The following BPTF variants were observed in gnomAD, a reference collection of about 807,000 sequenced individuals.
BPTF encodes the protein bromodomain PHD finger transcription factor.
BPTF carries 18 observed loss-of-function variants against 292.5 expected under a neutral mutation model. The observed-to-expected ratio is 0.06, with a 90% CI of 0.04 to 0.09. The LOEUF (loss-of-function observed/expected upper bound fraction) is 0.09. BPTF is among the 10% of genes least tolerant of loss of function. The pLI is 1.00. For synonymous variants in BPTF, 1,225 were observed against 1,251.9 expected, an observed-to-expected ratio of 0.98 and a Z score of 0.45; for missense variants, 2,726 against 3,498.7, an observed-to-expected ratio of 0.78 and a Z score of 5.57.
At chr17:67,837,010 A>G (rs1368629765) in intron 1 of BPTF, among the ~76,000 whole-genome samples, 1 of 152,188 alleles carries the variant, frequency 6.6e-6, no homozygotes, top group Non-Finnish European at 1.5e-5. Flanking sequence ...CTTTAATAGC[A>G]TGAGTTGTGA....
chr17:67,856,481 TATTA>T (rs1353554486), intron 2 of BPTF, among the ~76,000 whole-genome samples: 2 of 152,244 alleles, frequency 1.3e-5, no homozygotes, highest in African/African-American at 2.4e-5. Context: ...TTCAGATGTT[TATTA>T]ATTCTTAATT....
intron 18 of BPTF, among the ~76,000 whole-genome samples, chr17:67,933,207 G>A (rs1017830712): frequency 2.0e-5 from 3 of 151,294 alleles, no homozygotes; most frequent in East Asian, 1.9e-4. Flanking sequence ...GCAGTGAGCC[G>A]AGATTGTGCC....
chr17:67,936,326 T>G (rs944721724), intron 18 of BPTF, among the ~76,000 whole-genome samples: 1 of 152,208 alleles, frequency 6.6e-6, no homozygotes, highest in African/African-American at 2.4e-5. Context: ...ATTTAATATC[T>G]ATTATGTGAG....
chr17:67,877,676 T>G (rs2060133185), intron 4 of BPTF, among the ~76,000 whole-genome samples: 1 of 152,116 alleles, frequency 6.6e-6, no homozygotes, highest in Admixed American at 6.5e-5. Context: ...TGGAGTACAG[T>G]GACGTGATCA....
At chr17:67,892,138 A>G in intron 5 of BPTF, 104 bp downstream of exon 5, 1 of 853,740 alleles carries the variant, frequency 1.2e-6, no homozygotes, top group African/African-American at 1.8e-5. Context: ...TTGTAGACCT[A>G]TTTTTGAATT....
At chr17:67,877,981 AG>A (rs2060149837) in intron 4 of BPTF, among the ~76,000 whole-genome samples, 1 of 152,222 alleles carries the variant, frequency 6.6e-6, no homozygotes, top group Non-Finnish European at 1.5e-5. Context: ...ATAAATATTA[AG>A]TGAATAACTT....
chr17:67,845,350 C>G (rs2057954278), intron 1 of BPTF, among the ~76,000 whole-genome samples: 1 of 152,206 alleles, frequency 6.6e-6, no homozygotes, highest in Non-Finnish European at 1.5e-5. Flanking sequence ...CCTCTGATTG[C>G]AAATGGTGAC....
intron 1 of BPTF, among the ~76,000 whole-genome samples, chr17:67,832,695 C>T (rs2056796308): frequency 6.6e-6 from 1 of 151,900 alleles, no homozygotes; most frequent in South Asian, 2.1e-4. Context: ...AAGAAGCCCG[C>T]ACCGTCAGCA....
In BPTF at chr17:67,910,912, C is replaced by T. The variant is rs370122731; in HGVS notation, c.3028C>T (p.Pro1010Ser). The change falls in exon 11 of 28, where the codon CCC becomes TCC. Residue 1010 changes from proline (P) to serine (S), a missense_variant. By Grantham distance (74) the Pro-to-Ser change is moderately conservative. This residue lies in a region of BPTF where 713 missense variants were observed against 714.9 expected (regional missense o/e 1.00). Coordinates refer to ENST00000306378, the MANE Select transcript of BPTF (RefSeq NM_182641.4). Reference protein sequence around the residue: ...KELLDSDSDKPCKEEPMEVDD... With the variant: ...KELLDSDSDKSCKEEPMEVDD... ...GCTCTTAGATTCTGACAGTGATAAACCCTGCAAGGAAGAACCAATGGAAGT... is the reference window on the plus strand; with the variant it reads ...GCTCTTAGATTCTGACAGTGATAAATCCTGCAAGGAAGAACCAATGGAAGT... 6.2e-7 allele frequency: 1 copy of T among 1,611,058 alleles called. No homozygotes were observed. The highest frequency in any genetic ancestry group is 1.3e-5 in the African/African-American group (1 of 74,750).
rs143430992 is a variant in BPTF, at chr17:67,923,624, G to A, written c.5708+634G>A. 4.6e-3 allele frequency among the ~76,000 whole-genome samples: 693 copies of A among 150,136 alleles called. 5 individuals carry two copies. Among genetic ancestry groups the A allele is most frequent in the African/African-American group, 0.016 (650 of 40,906 alleles). On this transcript the variant is annotated intron_variant, in intron 14 of 27. Coordinates refer to ENST00000306378, the MANE Select transcript of BPTF (RefSeq NM_182641.4). ...CCTCCTGAGTAGCTGGGATTACGGGGGTGTGCCACCATGCCCGGCTGATTT... is the reference window on the plus strand; with the variant it reads ...CCTCCTGAGTAGCTGGGATTACGGGAGTGTGCCACCATGCCCGGCTGATTT...
chr17:67,953,638 C>T (rs868920567), intron 23 of BPTF, among the ~76,000 whole-genome samples: 45 of 147,280 alleles, frequency 3.1e-4, no homozygotes, highest in Admixed American at 2.8e-3. Context: ...TGCAATAGCA[C>T]GATCTCGGCT....
At chr17:67,860,992 C>G (rs145584558) in intron 2 of BPTF, among the ~76,000 whole-genome samples, 1 of 152,320 alleles carries the variant, frequency 6.6e-6, no homozygotes, top group African/African-American at 2.4e-5. Flanking sequence ...GCCTGAATTC[C>G]TTCTGTCCAC....
In BPTF at chr17:67,910,810, ATAT is replaced by A. The variant is rs564740753; in HGVS notation, c.2993-66_2993-64del. ...GTGAGACTCCATCTCAAAAAAAAAA[ATAT>A]ATATATATAAATTCCTCCTTTCAGA... On this transcript the variant is annotated intron_variant, in intron 10 of 27. Transcript: ENST00000306378. 8.1e-3 allele frequency: 9,042 copies of A among 1,116,540 alleles called. 19 individuals carry two copies. The highest frequency in any genetic ancestry group is 0.066 in the East Asian group (1,935 of 29,226). 69.2% of individuals were successfully genotyped at this position (1,116,540 alleles called of 1,614,324 possible).
chr17:67,944,992 G>GGCAA (rs1233705276), intron 20 of BPTF, among the ~76,000 whole-genome samples: 9 of 152,060 alleles, frequency 5.9e-5, no homozygotes, highest in Non-Finnish European at 8.8e-5. Context: ...GCATTTCAAA[G>GGCAA]GCATAGACCT....
intron 17 of BPTF, 22 bp from the exon 18 acceptor site, chr17:67,931,889 T>C (rs772220317): frequency 8.3e-6 from 13 of 1,562,216 alleles, no homozygotes; most frequent in Non-Finnish European, 1.1e-5. Context: ...TTTTAATTCA[T>C]TGTTCTTTGT....
intron 17 of BPTF, among the ~76,000 whole-genome samples, chr17:67,930,998 G>A (rs1009865878): frequency 2.0e-5 from 3 of 151,326 alleles, no homozygotes; most frequent in African/African-American, 7.3e-5. Context: ...CGGATGCGGT[G>A]GCTCACACCT....
chr17:67,866,383 A>C, intron 2 of BPTF, 81 bp from the exon 3 acceptor site: 2 of 1,122,012 alleles, frequency 1.8e-6, no homozygotes, highest in Middle Eastern at 2.0e-4. Context: ...GCTTTGTTTT[A>C]AGTTTTCACT....
chr17:67,946,412 C>T, intron 21 of BPTF, 87 bp downstream of exon 21: 1 of 1,511,928 alleles, frequency 6.6e-7, no homozygotes, highest in Non-Finnish European at 8.8e-7. Flanking sequence ...TGTTAGGTTT[C>T]CTAAATGAGA....
intron 7 of BPTF, among the ~76,000 whole-genome samples, chr17:67,896,070 C>T (rs926500230): frequency 9.9e-5 from 15 of 151,102 alleles, no homozygotes; most frequent in Non-Finnish European, 2.9e-5. Flanking sequence ...TCACGCCATT[C>T]TCCTGCCTCA....
Sources: allele counts gnomAD v4.1 joint callset (sites outside exome capture counted in the v4.1 genomes callset), GRCh38; gene constraint gnomAD v4.1.1; regional missense constraint gnomAD v4.1.1; transcripts MANE v1.5; gene names NCBI Gene and HGNC (gene_info 2026-07-23, HGNC 2026-07-21).